The following ZER1 variants were observed in gnomAD, a reference collection of about 807,000 sequenced individuals.
ZER1 encodes the protein zyg-11 related cell cycle regulator.
Under a neutral mutation model 78.8 loss-of-function variants are expected in ZER1, and 11 were observed. That is an observed-to-expected ratio of 0.14 (90% CI 0.09 to 0.23). The LOEUF is 0.23. Ranked by LOEUF, ZER1 falls within the 10% of genes least tolerant of loss-of-function variation. The pLI, the probability that ZER1 is intolerant of heterozygous loss-of-function variation, is 1.00. For missense variants in ZER1, 588 were observed against 996.9 expected (o/e 0.59, Z 5.52); for synonymous variants, 400 against 407.0 (o/e 0.98, Z 0.21).
intron 1 of ZER1, among the ~76,000 whole-genome samples, chr9:128,756,190 G>A (rs1276721541): frequency 6.6e-6 from 1 of 152,246 alleles, no homozygotes; most frequent in Non-Finnish European, 1.5e-5. Flanking sequence ...GCTCATGCCT[G>A]TAATCCCAGA....
chr9:128,740,701 A>G lies in ZER1; in HGVS notation c.1853+71T>C, dbSNP rs146185228. The G allele has an allele frequency of 5.4e-6, 4 of 740,866 alleles. No individual in the cohort carries two copies. Among genetic ancestry groups the G allele is most frequent in the South Asian group, 2.9e-5 (2 of 70,034 alleles). 45.9% of individuals were successfully genotyped at this position (740,866 alleles called of 1,614,324 possible). A position where few individuals can be genotyped will look rare whatever the true frequency, so the allele number is the denominator to read the frequency against. ...AACCTAGGCTAAGAGCAGTTGTGCA[A>G]CTGAGCAAACGCTAGAGCTCTGAGC... On this transcript the variant is annotated intron_variant, in intron 12 of 15. Transcript: ENST00000291900. The surrounding 1 kb of genome is among the most constrained non-coding windows in gnomAD (Gnocchi z 4.4).
intron 1 of ZER1, among the ~76,000 whole-genome samples, chr9:128,770,823 T>C (rs1047293982): frequency 6.6e-6 from 1 of 152,062 alleles, no homozygotes; most frequent in African/African-American, 2.4e-5. Flanking sequence ...AAAGATCATA[T>C]ATGGAAGGAT....
chr9:128,750,568 G>A (rs755849926), intron 8 of ZER1, 48 bp downstream of exon 8: 5 of 1,598,386 alleles, frequency 3.1e-6, no homozygotes, highest in East Asian at 4.5e-5. Flanking sequence ...AAGCAGGAAA[G>A]GGGTGGCTGG....
intron 8 of ZER1, among the ~76,000 whole-genome samples, chr9:128,748,020 C>T (rs564979345): frequency 3.9e-5 from 6 of 152,114 alleles, no homozygotes; most frequent in African/African-American, 1.4e-4. Flanking sequence ...TTTGGGAAAC[C>T]AAGGCAGGAG....
At chr9:128,756,336 C>T (rs1358060670) in intron 1 of ZER1, among the ~76,000 whole-genome samples, 4 of 152,146 alleles carry the variant, frequency 2.6e-5, no homozygotes, top group African/African-American at 9.7e-5. Context: ...GTCCCAGCTA[C>T]TCGGGAGGCT....
At position 128,739,914 on chromosome 9, in the gene ZER1, C is replaced by T; in HGVS notation, c.2042+17G>A. Reference sequence around the variant, plus strand: ...CCATATTCCACACCGCATCCCCGCTCCCTGCCCTGCCCACACCTGTAATTG... The same window carrying T: ...CCATATTCCACACCGCATCCCCGCTTCCTGCCCTGCCCACACCTGTAATTG... On this transcript the variant is annotated intron_variant, in intron 13 of 15. Transcript: ENST00000291900. 6.3e-7 allele frequency: 1 copy of T among 1,597,614 alleles called. No homozygotes were observed. Among genetic ancestry groups the T allele is most frequent in the Non-Finnish European group, 8.6e-7 (1 of 1,166,336 alleles).
chr9:128,737,548 G>T (rs1193113128), intron 13 of ZER1, among the ~76,000 whole-genome samples: 2 of 152,196 alleles, frequency 1.3e-5, no homozygotes, highest in Admixed American at 1.3e-4. Context: ...CATGCCTGGT[G>T]ATTGGCCAGT....
chr9:128,771,214 C>T (rs1864373666), intron 1 of ZER1, among the ~76,000 whole-genome samples: 1 of 152,186 alleles, frequency 6.6e-6, no homozygotes, highest in Admixed American at 6.6e-5. Flanking sequence ...TTTCCCTATA[C>T]TTTGTGTCAT....
In ZER1 at chr9:128,740,241, G is replaced by T; in HGVS notation, c.1854-122C>A. 2.1e-6 allele frequency: 2 copies of T among 973,456 alleles called. No homozygotes were observed. The highest frequency in any genetic ancestry group is 3.0e-6 in the Non-Finnish European group (2 of 661,196). 60.3% of individuals were successfully genotyped at this position (973,456 alleles called of 1,614,324 possible). On this transcript the variant is annotated intron_variant, in intron 12 of 15. Transcript: ENST00000291900. This position sits in a 1 kb window ranked among gnomAD's most constrained non-coding sequence, Gnocchi z 4.4. ...GCTACTTATTTCTTTATCCCATATC[G>T]TCTATATACCCAGACTACTTCTAAA...
At chr9:128,741,722 C>T in intron 10 of ZER1, 68 bp from the exon 11 acceptor site, 2 of 1,613,972 alleles carry the variant, frequency 1.2e-6, no homozygotes, top group African/African-American at 1.3e-5. Context: ...TGACAAAACA[C>T]AGACCTCCCC....
rs148381372 is a variant in ZER1 at position 128,755,420 on chromosome 9, C to T, written c.146G>A (p.Arg49Gln). The change falls in exon 2 of 16, where the codon CGG (arginine) becomes CAG (glutamine). Residue 49 changes from arginine (R) to glutamine (Q), a missense_variant. Physicochemically the swap from Arg to Gln is conservative, Grantham distance 43. Transcript: ENST00000291900. The surrounding 1 kb of genome is among the most constrained non-coding windows in gnomAD (Gnocchi z 5.6). ...DIFLPSEICD[R>Q]LVNEYVELVN... ...TGGGTCTGCTCACTCATTGACGAGC[C>T]GGTCACAGATCTCGCTGGGCAAGAA... 250 of 1,613,894 alleles carry T rather than the reference C, an allele frequency of 1.5e-4. No homozygotes were observed. Among genetic ancestry groups the T allele is most frequent in the Non-Finnish European group, 2.0e-4 (240 of 1,180,004 alleles).
Position 128,755,458 on chromosome 9 carries a change from T to C in ZER1, c.108A>G (p.Leu36=). 6.2e-7 allele frequency: 1 copy of C among 1,614,080 alleles called. No homozygotes were observed. The change falls in exon 2 of 16, where the codon CTA becomes CTG. Residue 36 remains leucine, a synonymous_variant. Transcript: ENST00000291900. The surrounding 1 kb of genome is among the most constrained non-coding windows in gnomAD (Gnocchi z 5.6). ...CGCTGGGCAAGAAGATGTCCGGATGTAGCCGCAGGGTCTCCTTGTCCAGCA... is the reference window on the plus strand; with the variant it reads ...CGCTGGGCAAGAAGATGTCCGGATGCAGCCGCAGGGTCTCCTTGTCCAGCA... ...GYLLDKETLR[L]HPDIFLPSEI... is the part of the protein sequence containing the mutation.
chr9:128,758,125 T>TC (rs1432462688), intron 1 of ZER1, among the ~76,000 whole-genome samples: 1 of 150,674 alleles, frequency 6.6e-6, no homozygotes, highest in East Asian at 1.9e-4. Context: ...GTTTAGGTTT[T>TC]TTTTTTTTTT....
At chr9:128,766,845 CAAAAAA>C (rs1176953959) in intron 1 of ZER1, among the ~76,000 whole-genome samples, 5 of 49,650 alleles carry the variant, frequency 1.0e-4, no homozygotes, top group South Asian at 1.4e-3. Context: ...GATTCCGTCT[CAAAAAA>C]AAAAAAAAAA....
At chr9:128,733,675 C>A in intron 14 of ZER1, 147 bp from the exon 15 acceptor site, 1 of 653,040 alleles carries the variant, frequency 1.5e-6, no homozygotes. Flanking sequence ...GAAATGGGGG[C>A]AAGACGTGGG....
At chr9:128,733,226 T>G (rs781003358) in intron 15 of ZER1, 200 bp downstream of exon 15, 2 of 513,056 alleles carry the variant, frequency 3.9e-6, no homozygotes, top group Non-Finnish European at 7.1e-6. Flanking sequence ...CCGAGCTTGG[T>G]CATCTAATTT....
At chr9:128,736,115 A>G (rs1377893463) in intron 13 of ZER1, among the ~76,000 whole-genome samples, 4 of 151,322 alleles carry the variant, frequency 2.6e-5, no homozygotes, top group African/African-American at 9.7e-5. Context: ...AACCCGGCTA[A>G]TTTTTTTGTA....
intron 10 of ZER1, 29 bp from the exon 11 acceptor site, chr9:128,741,683 G>T: frequency 1.2e-6 from 2 of 1,614,076 alleles, no homozygotes; most frequent in Non-Finnish European, 1.7e-6. Flanking sequence ...GCTCAGCCAA[G>T]GCTCCTGGTA....
intron 1 of ZER1, among the ~76,000 whole-genome samples, chr9:128,757,376 G>T (rs971402662): frequency 6.6e-6 from 1 of 152,044 alleles, no homozygotes; most frequent in Non-Finnish European, 1.5e-5. Context: ...AAAAAAATTA[G>T]CTGGGCACGG....
Sources: gnomAD v4.1 joint callset for allele counts (sites outside exome capture counted in the v4.1 genomes callset) on GRCh38, gnomAD v4.1.1 for gene constraint, Gnocchi (gnomAD v3.1) non-coding constraint, MANE v1.5 for transcripts, NCBI Gene and HGNC (gene_info 2026-07-23, HGNC 2026-07-21) for gene names.